The following FBXL17 variants were observed in gnomAD, a reference collection of about 807,000 sequenced individuals.
The protein encoded by FBXL17 is F-box and leucine rich repeat protein 17.
FBXL17 carries 22 observed loss-of-function variants against 66.2 expected under a neutral mutation model. The observed-to-expected ratio is 0.33, with a 90% CI of 0.24 to 0.47. FBXL17 has a LOEUF of 0.47. Ranked by LOEUF, FBXL17 falls within the 20% of genes least tolerant of loss-of-function variation. The pLI, the probability that FBXL17 is intolerant of heterozygous loss-of-function variation, is 1.00. For missense variants in FBXL17, 878 were observed against 948.2 expected, an observed-to-expected ratio of 0.93 and a Z score of 0.97; for synonymous variants, 474 against 400.5, an observed-to-expected ratio of 1.18 and a Z score of -2.19.
Position 108,380,959 on chromosome 5 carries a change from C to T in FBXL17, c.733G>A (p.Ala245Thr). The change falls in exon 1 of 9, where the codon GCC becomes ACC. Residue 245 changes from alanine (A) to threonine (T), a missense_variant. Physicochemically the swap from Ala to Thr is moderately conservative, Grantham distance 58. This residue lies in a region of FBXL17 where 605 missense variants were observed against 509.5 expected (regional missense o/e 1.19). Coordinates refer to ENST00000542267, the MANE Select transcript of FBXL17 (RefSeq NM_001163315.3). ...GGASPPRPPD[A>T]GCCQAPEQPP... Reference sequence around the variant, plus strand: ...TGCTCCGGGGCCTGGCAGCAGCCGGCGTCGGGGGGCCGGGGCGGCGAAGCG... The same window carrying T: ...TGCTCCGGGGCCTGGCAGCAGCCGGTGTCGGGGGGCCGGGGCGGCGAAGCG... The T allele has an allele frequency of 1.6e-6, 2 of 1,220,250 alleles. No homozygotes were observed. Among genetic ancestry groups the T allele is most frequent in the Non-Finnish European group, 2.0e-6 (2 of 979,802 alleles). The allele number at this position is 1,220,250 out of a possible 1,614,324, so 75.6% of individuals were successfully genotyped here. A position where few individuals can be genotyped will look rare whatever the true frequency, so the allele number is the denominator to read the frequency against.
rs192617577 is a variant in FBXL17, at chr5:107,896,699, A to C, written c.1823-15520T>G. On this transcript the variant is annotated intron_variant, in intron 7 of 8. Coordinates refer to ENST00000542267, the MANE Select transcript of FBXL17 (RefSeq NM_001163315.3). ...GAAAAGCCATGACATTACAAGAAAAAGTTGAATTGCTTGATACATACTATA... is the reference window on the plus strand; with the variant it reads ...GAAAAGCCATGACATTACAAGAAAACGTTGAATTGCTTGATACATACTATA... Among the ~76,000 whole-genome samples, 452 of 152,328 alleles carry C rather than the reference A, an allele frequency of 3.0e-3. 5 individuals carry two copies. The highest frequency in any genetic ancestry group is 0.01 in the Middle Eastern group (3 of 294).
intron 4 of FBXL17, among the ~76,000 whole-genome samples, chr5:108,332,353 C>A (rs1446774414): frequency 6.6e-6 from 1 of 151,978 alleles, no homozygotes; most frequent in African/African-American, 2.4e-5. Context: ...TTGCCAAGGT[C>A]CGTTTTGAAA....
At chr5:107,938,895 T>C (rs746199165) in intron 7 of FBXL17, among the ~76,000 whole-genome samples, 3 of 152,188 alleles carry the variant, frequency 2.0e-5, no homozygotes, top group Non-Finnish European at 4.4e-5. Flanking sequence ...TTAAAATGCA[T>C]TGAATATAAA....
chr5:108,309,058 A>T (rs1190011780), intron 4 of FBXL17, among the ~76,000 whole-genome samples: 1 of 152,080 alleles, frequency 6.6e-6, no homozygotes, highest in Non-Finnish European at 1.5e-5. Context: ...TATTACAGGG[A>T]TACTTATAAT....
At position 108,381,070 on chromosome 5, in the gene FBXL17, T is replaced by C; in HGVS notation, c.622A>G (p.Thr208Ala). ...CCGCAGCGGGGCTGCTTGCAGGGGG[T>C]GCAGGCGGGGACCCCGGCCCCCTTC... ...KRKGAGVPAC[T>A]PCKQPRCGGG... Residue 208 changes from threonine (T) to alanine (A), a missense_variant, in exon 1 of 9, where the codon ACC becomes GCC. Thr to Ala is a moderately conservative substitution (Grantham distance 58). Transcript: ENST00000542267. The C allele has an allele frequency of 8.1e-7, 1 of 1,235,348 alleles. No individual in the cohort carries two copies. The highest frequency in any genetic ancestry group is 1.0e-6 in the Non-Finnish European group (1 of 989,924). The allele number at this position is 1,235,348 out of a possible 1,614,324, so 76.5% of individuals were successfully genotyped here. A position where few individuals can be genotyped will look rare whatever the true frequency, so the allele number is the denominator to read the frequency against.
intron 6 of FBXL17, among the ~76,000 whole-genome samples, chr5:108,183,011 C>A (rs1753068907): frequency 1.3e-5 from 2 of 151,072 alleles, no homozygotes; most frequent in Non-Finnish European, 2.9e-5. Context: ...AATATAATCA[C>A]CTTATTGCAG....
chr5:108,348,811 T>C (rs1313463152), intron 3 of FBXL17, among the ~76,000 whole-genome samples: 1 of 152,152 alleles, frequency 6.6e-6, no homozygotes, highest in African/African-American at 2.4e-5. Context: ...TACTCCAGTA[T>C]ATATATTTTT....
intron 6 of FBXL17, among the ~76,000 whole-genome samples, chr5:108,049,763 A>G (rs774833814): frequency 6.6e-6 from 1 of 152,230 alleles, no homozygotes; most frequent in Non-Finnish European, 1.5e-5. Context: ...TAAATGGGCT[A>G]AATGCTCCAA....
intron 7 of FBXL17, among the ~76,000 whole-genome samples, chr5:107,961,051 T>C (rs1751882633): frequency 6.6e-6 from 1 of 152,158 alleles, no homozygotes; most frequent in East Asian, 1.9e-4. Flanking sequence ...TAAAAAGTGA[T>C]ACGGAGAAGC....
In FBXL17 at chr5:108,203,208, C is replaced by T. The variant is rs139536798; in HGVS notation, c.1615-16961G>A. Among the ~76,000 whole-genome samples the T allele has an allele frequency of 3.0e-3, 455 of 151,918 alleles. 1 individual carries two copies. Among genetic ancestry groups the T allele is most frequent in the African/African-American group, 0.01 (429 of 41,428 alleles). On this transcript the variant is annotated intron_variant, in intron 5 of 8. Transcript: ENST00000542267. ...GCTTTTTTTTTTCATTGTTCAACCACTTCTTTAGTTATGTGCCAAGAACTC... is the reference window on the plus strand; with the variant it reads ...GCTTTTTTTTTTCATTGTTCAACCATTTCTTTAGTTATGTGCCAAGAACTC...
chr5:107,987,556 C>T (rs909817374), intron 7 of FBXL17, among the ~76,000 whole-genome samples: 14 of 152,034 alleles, frequency 9.2e-5, no homozygotes, highest in Admixed American at 7.9e-4. Context: ...GCTCAAGACA[C>T]ACAACTAGTA....
chr5:108,200,595 C>T (rs954210358), intron 5 of FBXL17, among the ~76,000 whole-genome samples: 1 of 151,406 alleles, frequency 6.6e-6, no homozygotes, highest in Admixed American at 6.6e-5. Flanking sequence ...GATTGATAGT[C>T]AATTGCATGT....
At chr5:108,155,419 G>C (rs372768224) in intron 6 of FBXL17, among the ~76,000 whole-genome samples, 42 of 152,250 alleles carry the variant, frequency 2.8e-4, no homozygotes, top group East Asian at 2.3e-3. Context: ...GGAGGCTGAG[G>C]CAGGAGAATC....
chr5:107,874,669 G>T (rs2112492672), intron 8 of FBXL17, among the ~76,000 whole-genome samples: 1 of 152,272 alleles, frequency 6.6e-6, no homozygotes, highest in South Asian at 2.1e-4. Flanking sequence ...ATACCGGAAA[G>T]GACTTTTAGT....
At chr5:108,375,256 C>T (rs770632161) in intron 1 of FBXL17, among the ~76,000 whole-genome samples, 16 of 151,938 alleles carry the variant, frequency 1.1e-4, no homozygotes, top group Non-Finnish European at 2.1e-4. Flanking sequence ...ACTCAGGAGG[C>T]TGACAAGAGG....
At chr5:107,907,528 T>C (rs148206274) in intron 7 of FBXL17, among the ~76,000 whole-genome samples, 6,188 of 151,126 alleles carry the variant, frequency 0.041, 432 homozygotes, top group African/African-American at 0.14. Flanking sequence ...TGGGAGAAAA[T>C]TTTTGCAACC....
intron 6 of FBXL17, among the ~76,000 whole-genome samples, chr5:108,068,947 C>T (rs1748225100): frequency 6.6e-6 from 1 of 152,180 alleles, no homozygotes; most frequent in African/African-American, 2.4e-5. Context: ...GATTAGAATA[C>T]TCCTGGCCTT....
chr5:107,871,740 C>T (rs574364716), intron 8 of FBXL17, among the ~76,000 whole-genome samples: 1 of 142,902 alleles, frequency 7.0e-6, no homozygotes, highest in African/African-American at 2.6e-5. Flanking sequence ...GGCAAATGAT[C>T]AGCAATTTGA....
At chr5:107,954,873 G>C (rs1751610721) in intron 7 of FBXL17, among the ~76,000 whole-genome samples, 1 of 152,106 alleles carries the variant, frequency 6.6e-6, no homozygotes. Context: ...TGAGGCTTAA[G>C]AACTATAGGT....
Sources: allele counts gnomAD v4.1 joint callset (sites outside exome capture counted in the v4.1 genomes callset), GRCh38; gene constraint gnomAD v4.1.1; regional missense constraint gnomAD v4.1.1; transcripts MANE v1.5; gene names NCBI Gene and HGNC (gene_info 2026-07-23, HGNC 2026-07-21).